The following SDK1 variants were observed in gnomAD, a reference collection of about 807,000 sequenced individuals.
SDK1 encodes sidekick cell adhesion molecule 1, also known as protein sidekick-1.
In SDK1, 157 loss-of-function variants were observed where a neutral mutation model predicts 245.5. The ratio of observed to expected loss-of-function variants is 0.64; its 90% confidence interval spans 0.56 to 0.73. The LOEUF (loss-of-function observed/expected upper bound fraction) is 0.73, where lower values mean the gene tolerates loss of function less well. Among genes scored for constraint, SDK1 ranks in the 30% least tolerant of loss-of-function variants. The pLI is 0.00. For missense variants in SDK1, 3,583 were observed against 3,002.3 expected, an observed-to-expected ratio of 1.19 and a Z score of -4.52; for synonymous variants, 1,647 against 1,278.5, an observed-to-expected ratio of 1.29 and a Z score of -6.15.
At chr7:4,151,772 C>T (rs555144383) in intron 30 of SDK1, among the ~76,000 whole-genome samples, 20 of 152,306 alleles carry the variant, frequency 1.3e-4, no homozygotes, top group African/African-American at 4.8e-4. Flanking sequence ...TCACTATTCC[C>T]AGTTTACACA....
At position 3,815,902 on chromosome 7, in the gene SDK1, A is replaced by G. The variant is rs1221422216; in HGVS notation, c.714-5548A>G. 1.4e-5 allele frequency among the ~76,000 whole-genome samples: 2 copies of G among 146,326 alleles called. 1 individual carries two copies. The highest frequency in any genetic ancestry group is 5.3e-5 in the African/African-American group (2 of 37,648). Reference sequence around the variant, plus strand: ...GAAATTATAACAAACTATCTCTCAGACCACAGTGCAATCAAACTAGAACTC... The same window carrying G: ...GAAATTATAACAAACTATCTCTCAGGCCACAGTGCAATCAAACTAGAACTC... On this transcript the variant is annotated intron_variant, in intron 4 of 44. Coordinates refer to ENST00000404826, the MANE Select transcript of SDK1 (RefSeq NM_152744.4).
At chr7:3,940,958 T>C (rs1028515044) in intron 5 of SDK1, among the ~76,000 whole-genome samples, 1 of 151,876 alleles carries the variant, frequency 6.6e-6, no homozygotes, top group Non-Finnish European at 1.5e-5. Flanking sequence ...CCCCTGAACC[T>C]GCGCACCTGG....
chr7:3,935,742 A>T (rs772916025), intron 5 of SDK1, among the ~76,000 whole-genome samples: 2 of 152,372 alleles, frequency 1.3e-5, no homozygotes, highest in South Asian at 4.1e-4. Context: ...ACAGAAAGTA[A>T]CAAGTGTTGG....
chr7:4,244,594 A>C (rs535018456), intron 43 of SDK1, among the ~76,000 whole-genome samples: 25 of 152,324 alleles, frequency 1.6e-4, no homozygotes, highest in Middle Eastern at 6.8e-3. Flanking sequence ...GCAAATGATC[A>C]CAAGTTCAGC....
At chr7:3,727,589 C>G (rs1779046896) in intron 4 of SDK1, among the ~76,000 whole-genome samples, 1 of 152,096 alleles carries the variant, frequency 6.6e-6, no homozygotes, top group African/African-American at 2.4e-5. Flanking sequence ...CTCCTGGGTT[C>G]AAGCAATTCT....
Position 3,518,379 on chromosome 7 carries a change from A to T in SDK1, c.299-100701A>T, listed in dbSNP as rs987843150. ...CAAAAGCTTCTGCACAGCAAAGGAA[A>T]CAACAGAATGAAAAGACAACCTACA... On this transcript the variant is annotated intron_variant, in intron 1 of 44. Coordinates refer to ENST00000404826, the MANE Select transcript of SDK1 (RefSeq NM_152744.4). 4.6e-5 allele frequency among the ~76,000 whole-genome samples: 7 copies of T among 152,114 alleles called. 1 individual carries two copies. Among genetic ancestry groups the T allele is most frequent in the Admixed American group, 6.6e-5 (1 of 15,258 alleles).
Position 4,267,071 on chromosome 7 carries a change from G to A in SDK1, c.*1687G>A, listed in dbSNP as rs906474907. 7 of 985,394 alleles carry A rather than the reference G, an allele frequency of 7.1e-6. No homozygotes were observed. The highest frequency in any genetic ancestry group is 8.4e-6 in the Non-Finnish European group (7 of 829,976). The allele number at this position is 985,394 out of a possible 1,614,324, so 61.0% of individuals were successfully genotyped here. A position where few individuals can be genotyped will look rare whatever the true frequency, so the allele number is the denominator to read the frequency against. ...GCCTGGATTCTGTGCTGTCAGCGTT[G>A]CTGAGTATGGCCCCAGGAGACCAAG... is the stretch of plus-strand genomic sequence containing the variant. On this transcript the variant is annotated 3_prime_UTR_variant, in exon 45 of 45. Transcript: ENST00000404826.
At position 4,265,386 on chromosome 7, in the gene SDK1, C is replaced by T. The variant is rs755133856; in HGVS notation, c.*2C>T. The T allele has an allele frequency of 7.4e-5, 106 of 1,428,576 alleles. No individual in the cohort carries two copies. The highest frequency in any genetic ancestry group is 9.4e-5 in the Non-Finnish European group (104 of 1,102,338). 88.5% of individuals were successfully genotyped at this position (1,428,576 alleles called of 1,614,324 possible). On this transcript the variant is annotated 3_prime_UTR_variant, in exon 45 of 45. Coordinates refer to ENST00000404826, the MANE Select transcript of SDK1 (RefSeq NM_152744.4). ...ACCGGCTTCTCCTCCTTCGTGTGAG[C>T]AAAGCGCCGCGCCTCCCTCAGGGCG...
chr7:3,520,462 G>T (rs560047955), intron 1 of SDK1, among the ~76,000 whole-genome samples: 1 of 152,250 alleles, frequency 6.6e-6, no homozygotes, highest in East Asian at 1.9e-4. Flanking sequence ...GCTGTGTTTG[G>T]TGGTGCAGAC....
At chr7:3,443,790 C>G (rs1302007320) in intron 1 of SDK1, among the ~76,000 whole-genome samples, 1 of 152,064 alleles carries the variant, frequency 6.6e-6, no homozygotes, top group Non-Finnish European at 1.5e-5. Context: ...TTTTTAGATT[C>G]TTTCTTATAA....
At chr7:3,958,239 G>T in intron 7 of SDK1, 1 of 277,418 alleles carries the variant, frequency 3.6e-6, no homozygotes, top group South Asian at 3.1e-5. Flanking sequence ...GACAAACTTG[G>T]CCATGCCTCT....
rs188251866 is a variant in SDK1 at position 3,908,437 on chromosome 7, G to C, written c.848-42486G>C. Among the ~76,000 whole-genome samples the C allele has an allele frequency of 2.3e-3, 351 of 152,314 alleles. 3 individuals carry two copies. Among genetic ancestry groups the C allele is most frequent in the Admixed American group, 2.9e-3 (44 of 15,306 alleles). On this transcript the variant is annotated intron_variant, in intron 5 of 44. Transcript: ENST00000404826. ...ACATCCCTTCATACACGGCTGGCCA[G>C]ATGCTCACCCGCAGTCCACTCAGCG...
intron 19 of SDK1, among the ~76,000 whole-genome samples, chr7:4,065,798 C>G (rs1471533983): frequency 7.2e-6 from 1 of 138,676 alleles, no homozygotes; most frequent in Non-Finnish European, 1.5e-5. Flanking sequence ...CAACTCAGTG[C>G]TCGGTATGGA....
intron 4 of SDK1, among the ~76,000 whole-genome samples, chr7:3,746,215 C>A (rs996311672): frequency 6.6e-6 from 1 of 152,162 alleles, no homozygotes; most frequent in Non-Finnish European, 1.5e-5. Context: ...TGTGCAATAG[C>A]ATTATGTCTA....
At chr7:3,719,784 C>T (rs193024956) in intron 4 of SDK1, among the ~76,000 whole-genome samples, 242 of 152,162 alleles carry the variant, frequency 1.6e-3, no homozygotes, top group Non-Finnish European at 2.7e-3. Context: ...TGAGACCATC[C>T]TGGCCAACAT....
intron 2 of SDK1, among the ~76,000 whole-genome samples, chr7:3,629,510 G>T (rs545889850): frequency 3.9e-5 from 6 of 152,220 alleles, no homozygotes; most frequent in African/African-American, 1.4e-4. Context: ...CGGAGTGTCT[G>T]TTCTCACCAG....
intron 1 of SDK1, among the ~76,000 whole-genome samples, chr7:3,332,260 T>A (rs911182153): frequency 6.6e-6 from 1 of 152,236 alleles, no homozygotes; most frequent in South Asian, 2.1e-4. Flanking sequence ...CGATGATTAA[T>A]GTACAGGGCG....
chr7:3,809,507 G>A (rs888092680), intron 4 of SDK1, among the ~76,000 whole-genome samples: 1 of 152,110 alleles, frequency 6.6e-6, no homozygotes, highest in Non-Finnish European at 1.5e-5. Context: ...TTTGTCACTC[G>A]GCAATCGAAA....
intron 1 of SDK1, among the ~76,000 whole-genome samples, chr7:3,489,937 A>T (rs1010868722): frequency 2.0e-5 from 3 of 152,218 alleles, no homozygotes; most frequent in African/African-American, 7.2e-5. Context: ...TACACATAAA[A>T]TAGTCAAAGG....
Sources: gnomAD v4.1 joint callset for allele counts (sites outside exome capture counted in the v4.1 genomes callset) on GRCh38, gnomAD v4.1.1 for gene constraint, MANE v1.5 for transcripts, NCBI Gene and HGNC (gene_info 2026-07-23, HGNC 2026-07-21) for gene names.